Variants in LRP12 observed in about 807,000 individuals in gnomAD.
The protein encoded by LRP12 is low-density lipoprotein receptor-related protein 12.
In LRP12, 14 loss-of-function variants were observed where a neutral mutation model predicts 66.0. That is an observed-to-expected ratio of 0.21 (90% CI 0.14 to 0.33). The LOEUF (loss-of-function observed/expected upper bound fraction) is 0.33. Ranked by LOEUF, LRP12 falls within the 10% of genes least tolerant of loss-of-function variation. The pLI is 1.00. For synonymous variants in LRP12, 357 were observed against 359.1 expected (o/e 0.99, Z 0.07); for missense variants, 889 against 1,053.4 (o/e 0.84, Z 2.16).
At position 104,490,889 on chromosome 8, in the gene LRP12, C is replaced by T; in HGVS notation, c.2364G>A (p.Val788=). ...PISDGSSDFD[V]NDCSRPLLDL... ...CAAGAAGAGGTCTGGAGCAGTCATT[C>T]ACATCAAAGTCTGAAGATCCATCAG... is the stretch of plus-strand genomic sequence containing the variant. Residue 788 remains valine (V), a synonymous_variant, in exon 7 of 7, where the codon GTG becomes GTA. Transcript: ENST00000276654. 1 of 1,614,122 alleles carries T rather than the reference C, an allele frequency of 6.2e-7. No individual in the cohort carries two copies. The highest frequency in any genetic ancestry group is 8.5e-7 in the Non-Finnish European group (1 of 1,180,014).
At chr8:104,502,007 G>A (rs960669044) in intron 3 of LRP12, among the ~76,000 whole-genome samples, 1 of 152,084 alleles carries the variant, frequency 6.6e-6, no homozygotes, top group African/African-American at 2.4e-5. Context: ...TTTTCAAGTA[G>A]AAAATGAGAT....
chr8:104,580,375 A>T (rs545790091), intron 1 of LRP12, among the ~76,000 whole-genome samples: 1,773 of 151,150 alleles, frequency 0.012, 36 homozygotes, highest in African/African-American at 0.04. Context: ...AAAAAAAAAA[A>T]AAAAATTAGC....
intron 1 of LRP12, among the ~76,000 whole-genome samples, chr8:104,584,898 T>C (rs1173388548): frequency 6.6e-6 from 1 of 152,230 alleles, no homozygotes; most frequent in Non-Finnish European, 1.5e-5. Context: ...GAATTTCTTG[T>C]CTACCCTTAA....
At chr8:104,498,139 CAT>C in intron 4 of LRP12, 63 bp from the exon 5 acceptor site, 1 of 1,372,862 alleles carries the variant, frequency 7.3e-7, no homozygotes, top group Non-Finnish European at 9.8e-7. Flanking sequence ...CTTTAAAAGA[CAT>C]AAAACAGCAA....
At chr8:104,567,320 C>T (rs1445635285) in intron 1 of LRP12, among the ~76,000 whole-genome samples, 1 of 151,986 alleles carries the variant, frequency 6.6e-6, no homozygotes, top group Non-Finnish European at 1.5e-5. Context: ...ATGGCAGCAG[C>T]AAGAAAAAAT....
intron 1 of LRP12, among the ~76,000 whole-genome samples, chr8:104,578,997 A>G (rs1812206598): frequency 6.6e-6 from 1 of 152,174 alleles, no homozygotes; most frequent in Non-Finnish European, 1.5e-5. Flanking sequence ...AAAAGCTGGA[A>G]GCATGACCCC....
chr8:104,521,965 T>C (rs544916273), intron 2 of LRP12, among the ~76,000 whole-genome samples: 10 of 152,138 alleles, frequency 6.6e-5, no homozygotes, highest in South Asian at 6.2e-4. Context: ...AACTTTTCTA[T>C]ATTTAAAAAA....
chr8:104,533,209 G>A (rs1223476049), intron 1 of LRP12, among the ~76,000 whole-genome samples: 1 of 151,752 alleles, frequency 6.6e-6, no homozygotes, highest in African/African-American at 2.4e-5. Context: ...CTGCACTGAT[G>A]CCAAAAAAGG....
chr8:104,573,067 C>T (rs1378973787), intron 1 of LRP12, among the ~76,000 whole-genome samples: 1 of 152,070 alleles, frequency 6.6e-6, no homozygotes, highest in Admixed American at 6.6e-5. Flanking sequence ...TCTTAATACT[C>T]GATTGTATTT....
intron 2 of LRP12, among the ~76,000 whole-genome samples, chr8:104,510,265 C>G (rs1448440068): frequency 2.6e-5 from 4 of 152,186 alleles, no homozygotes; most frequent in African/African-American, 9.7e-5. Flanking sequence ...GTAAAACACT[C>G]AAAATCACTG....
At chr8:104,519,565 A>T (rs745941697) in intron 2 of LRP12, among the ~76,000 whole-genome samples, 1 of 152,042 alleles carries the variant, frequency 6.6e-6, no homozygotes, top group Non-Finnish European at 1.5e-5. Flanking sequence ...AGTGCTCTAA[A>T]AGATTCTGGA....
intron 1 of LRP12, among the ~76,000 whole-genome samples, chr8:104,533,811 C>G (rs1811360043): frequency 6.6e-6 from 1 of 152,080 alleles, no homozygotes; most frequent in Admixed American, 6.6e-5. Context: ...CTATCACACC[C>G]AGTTTAGATA....
intron 1 of LRP12, among the ~76,000 whole-genome samples, chr8:104,581,456 A>G (rs1017213977): frequency 6.6e-6 from 1 of 152,120 alleles, no homozygotes; most frequent in Non-Finnish European, 1.5e-5. Context: ...CCATGTAATA[A>G]TTGTGTACAA....
At chr8:104,581,803 G>C (rs1324041863) in intron 1 of LRP12, among the ~76,000 whole-genome samples, 2 of 151,786 alleles carry the variant, frequency 1.3e-5, no homozygotes, top group African/African-American at 4.8e-5. Flanking sequence ...ATGAACCTTA[G>C]GCAAAACTAC....
At chr8:104,577,679 T>C (rs1812186149) in intron 1 of LRP12, among the ~76,000 whole-genome samples, 2 of 151,330 alleles carry the variant, frequency 1.3e-5, no homozygotes, top group Admixed American at 1.3e-4. Context: ...GGCGTGGTGG[T>C]GGGCACCTGT....
At chr8:104,552,388 T>C (rs1194625155) in intron 1 of LRP12, among the ~76,000 whole-genome samples, 2 of 151,234 alleles carry the variant, frequency 1.3e-5, no homozygotes, top group South Asian at 4.2e-4. Context: ...TTTTTTTTTT[T>C]GCCGGGCGTG....
intron 1 of LRP12, among the ~76,000 whole-genome samples, chr8:104,534,666 A>G (rs967533844): frequency 6.6e-6 from 1 of 152,020 alleles, no homozygotes; most frequent in East Asian, 1.9e-4. Context: ...CTTAAAAACA[A>G]TACTATTTAG....
chr8:104,497,519 A>C lies in LRP12; in HGVS notation c.1033T>G (p.Ser345Ala). The change falls in exon 5 of 7, where the codon TCT (serine) becomes GCT (alanine). Residue 345 changes from serine to alanine, a missense_variant. Coordinates refer to ENST00000276654, the MANE Select transcript of LRP12 (RefSeq NM_013437.5). The surrounding 1 kb of genome is among the most constrained non-coding windows in gnomAD (Gnocchi z 4.3). The part of the protein sequence containing the change: ...FDSHAPLTVV[S>A]SSGQIRVHFC... Reference sequence around the variant, plus strand: ...TGTACCCTTATCTGTCCAGAAGAAGAAACAACTGTAAGAGGTGCATGAGAA... The same window carrying C: ...TGTACCCTTATCTGTCCAGAAGAAGCAACAACTGTAAGAGGTGCATGAGAA... The C allele has an allele frequency of 6.2e-7, 1 of 1,614,138 alleles. No individual in the cohort carries two copies. The highest frequency in any genetic ancestry group is 1.1e-5 in the South Asian group (1 of 91,048).
chr8:104,565,235 T>C (rs1811979526), intron 1 of LRP12, among the ~76,000 whole-genome samples: 1 of 152,056 alleles, frequency 6.6e-6, no homozygotes, highest in Admixed American at 6.6e-5. Context: ...ATACACACAA[T>C]AAGTATTTTA....
Sources: allele counts gnomAD v4.1 joint callset (sites outside exome capture counted in the v4.1 genomes callset), GRCh38; gene constraint gnomAD v4.1.1; non-coding constraint Gnocchi (gnomAD v3.1); transcripts MANE v1.5; gene names NCBI Gene and HGNC (gene_info 2026-07-23, HGNC 2026-07-21).